Variants in C10orf90 observed in about 807,000 individuals in gnomAD.
C10orf90 encodes chromosome 10 open reading frame 90, also known as (E2-independent) E3 ubiquitin-conjugating enzyme FATS.
C10orf90 carries 56 observed loss-of-function variants against 62.5 expected under a neutral mutation model. The ratio of observed to expected loss-of-function variants is 0.90; its 90% CI spans 0.72 to 1.12. C10orf90 has a LOEUF of 1.12. C10orf90 is among the 50% of genes most tolerant of loss of function. C10orf90 has a pLI of 0.00. For missense variants in C10orf90, 970 were observed against 880.4 expected, an observed-to-expected ratio of 1.10 and a Z score of -1.29; for synonymous variants, 386 against 340.4, an observed-to-expected ratio of 1.13 and a Z score of -1.47.
chr10:126,580,678 C>A (rs2134015231), intron 2 of C10orf90, among the ~76,000 whole-genome samples: 1 of 150,192 alleles, frequency 6.7e-6, no homozygotes, highest in Non-Finnish European at 1.5e-5. Context: ...GACATTAAGA[C>A]AAGATGCTTA....
chr10:126,500,091 A>G (rs1190172914), intron 4 of C10orf90, among the ~76,000 whole-genome samples: 1 of 152,254 alleles, frequency 6.6e-6, no homozygotes, highest in African/African-American at 2.4e-5. Context: ...TTAATCGCAT[A>G]AAATGATATG....
intron 4 of C10orf90, among the ~76,000 whole-genome samples, chr10:126,473,924 T>C (rs1006043034): frequency 1.3e-5 from 2 of 152,012 alleles, no homozygotes; most frequent in Non-Finnish European, 2.9e-5. Flanking sequence ...CCAGGAACCA[T>C]ACTTTGAGAC....
At chr10:126,528,919 A>T (rs1864021423) in intron 2 of C10orf90, among the ~76,000 whole-genome samples, 1 of 152,230 alleles carries the variant, frequency 6.6e-6, no homozygotes, top group East Asian at 1.9e-4. Flanking sequence ...CTACAAAGGC[A>T]GACGTAGCCA....
chr10:126,569,425 A>G (rs1490354018), intron 2 of C10orf90, among the ~76,000 whole-genome samples: 6 of 152,160 alleles, frequency 3.9e-5, no homozygotes, highest in Non-Finnish European at 1.5e-5. Context: ...ACTCACCCCA[A>G]CACTTTATGC....
rs1564860259 is a variant in C10orf90 at position 126,532,862 on chromosome 10, G to GAAAAAAAAAAAAAAAAA, written c.314-18924_314-18923insTTTTTTTTTTTTTTTTT. Among the ~76,000 whole-genome samples, 33 of 22,136 alleles carry GAAAAAAAAAAAAAAAAA rather than the reference G, an allele frequency of 1.5e-3. 3 individuals carry two copies. Among genetic ancestry groups the GAAAAAAAAAAAAAAAAA allele is most frequent in the Non-Finnish European group, 3.8e-3 (30 of 7,994 alleles). 14.5% of individuals were successfully genotyped at this position (22,136 alleles called of 152,430 possible). ...CGTCTCAAAAAAAAAAAAAAATAGT[G>GAAAAAAAAAAAAAAAAA]AGCACAAAACAAGTGTTTTCAAAAA... On this transcript the variant is annotated intron_variant, in intron 2 of 9. Transcript: ENST00000488181.
chr10:126,655,200 C>A (rs966984418), intron 1 of C10orf90, among the ~76,000 whole-genome samples: 1 of 152,056 alleles, frequency 6.6e-6, no homozygotes, highest in African/African-American at 2.4e-5. Flanking sequence ...TGCCTGTAGT[C>A]CCAGCTACTA....
At chr10:126,553,711 T>A (rs1864691263) in intron 2 of C10orf90, among the ~76,000 whole-genome samples, 1 of 152,294 alleles carries the variant, frequency 6.6e-6, no homozygotes, top group African/African-American at 2.4e-5. Context: ...TTGTAGGCTA[T>A]ACCATCTAGG....
chr10:126,430,161 C>T (rs566677476), intron 7 of C10orf90, among the ~76,000 whole-genome samples: 2 of 152,270 alleles, frequency 1.3e-5, no homozygotes, highest in South Asian at 4.2e-4. Flanking sequence ...AGAAAAGTGC[C>T]AGAGTGCAAG....
chr10:126,571,368 T>C (rs1311542428), intron 2 of C10orf90, among the ~76,000 whole-genome samples: 1 of 152,134 alleles, frequency 6.6e-6, no homozygotes, highest in Non-Finnish European at 1.5e-5. Context: ...CTGAGCCCGG[T>C]GGCCCAAGTC....
chr10:126,514,077 G>A, intron 2 of C10orf90, 138 bp from the exon 3 acceptor site: 1 of 615,880 alleles, frequency 1.6e-6, no homozygotes, highest in East Asian at 2.9e-5. Flanking sequence ...GTCTAACCAT[G>A]ACAAAACCTT....
intron 7 of C10orf90, 47 bp downstream of exon 7, chr10:126,458,993 C>A: frequency 1.3e-6 from 2 of 1,574,466 alleles, no homozygotes. Flanking sequence ...TCCAGGAACC[C>A]CCCATCCCTG....
At chr10:126,446,651 A>G (rs4311977) in intron 7 of C10orf90, among the ~76,000 whole-genome samples, 29,901 of 152,104 alleles carry the variant, frequency 0.2, 3,160 homozygotes, top group South Asian at 0.29. Flanking sequence ...ACACTAAAGC[A>G]AAAGGATACT....
chr10:126,461,731 C>A (rs923164179), intron 5 of C10orf90, 146 bp from the exon 6 acceptor site: 16 of 843,482 alleles, frequency 1.9e-5, no homozygotes, highest in Non-Finnish European at 2.9e-5. Context: ...CAAGATCATG[C>A]CTCATCACAG....
At chr10:126,445,771 C>T (rs1219337812) in intron 7 of C10orf90, among the ~76,000 whole-genome samples, 1 of 147,194 alleles carries the variant, frequency 6.8e-6, no homozygotes, top group Non-Finnish European at 1.5e-5. Context: ...ACCCAAATGC[C>T]CATCAATTAA....
chr10:126,546,669 G>A (rs1485101609), intron 2 of C10orf90, among the ~76,000 whole-genome samples: 1 of 152,172 alleles, frequency 6.6e-6, no homozygotes, highest in East Asian at 1.9e-4. Context: ...CCCCCTCTTG[G>A]GTGTCAACTG....
At chr10:126,447,436 CAG>C (rs1339318199) in intron 7 of C10orf90, among the ~76,000 whole-genome samples, 1 of 152,010 alleles carries the variant, frequency 6.6e-6, no homozygotes, top group African/African-American at 2.4e-5. Flanking sequence ...TAAAAAGAGA[CAG>C]AGTCATAATA....
rs1026844170 is a variant in C10orf90, at chr10:126,444,170, A to G, written c.2189-14320T>C. Among the ~76,000 whole-genome samples the G allele has an allele frequency of 3.9e-5, 6 of 152,172 alleles. No homozygotes were observed. The East Asian group carries it at 1.2e-3, about 29-fold the overall frequency. ...CAACATAGTACTGGAAGTCCTAGCC[A>G]GAGCAATCAGACAAGAGAAAGAAAT... is the stretch of plus-strand genomic sequence containing the variant. On this transcript the variant is annotated intron_variant, in intron 7 of 9. Transcript: ENST00000488181.
At chr10:126,445,588 C>T (rs1858712532) in intron 7 of C10orf90, among the ~76,000 whole-genome samples, 1 of 151,924 alleles carries the variant, frequency 6.6e-6, no homozygotes, top group Non-Finnish European at 1.5e-5. Flanking sequence ...AGTACAGCCC[C>T]TATGAAAAAC....
intron 2 of C10orf90, among the ~76,000 whole-genome samples, chr10:126,634,851 T>G (rs1388595274): frequency 6.6e-6 from 1 of 152,206 alleles, no homozygotes; most frequent in Non-Finnish European, 1.5e-5. Context: ...TGACTCTCAA[T>G]CTTGTCTCCT....
Sources: allele counts gnomAD v4.1 joint callset (sites outside exome capture counted in the v4.1 genomes callset), GRCh38; gene constraint gnomAD v4.1.1; transcripts MANE v1.5; gene names NCBI Gene and HGNC (gene_info 2026-07-23, HGNC 2026-07-21).